The following SPIDR variants were observed in gnomAD, a reference collection of about 807,000 sequenced individuals.
The protein encoded by SPIDR is DNA repair-scaffolding protein.
A neutral mutation model predicts 104.6 loss-of-function variants in SPIDR; 93 were observed. The ratio of observed to expected loss-of-function variants is 0.89; its 90% confidence interval spans 0.75 to 1.06. SPIDR has a LOEUF of 1.06. SPIDR is among the 50% of genes least tolerant of loss of function. The pLI, the probability that SPIDR is intolerant of heterozygous loss-of-function variation, is 0.00. For missense variants in SPIDR, 1,154 were observed against 1,111.2 expected (o/e 1.04, Z -0.55); for synonymous variants, 431 against 416.9 (o/e 1.03, Z -0.41).
intron 14 of SPIDR, among the ~76,000 whole-genome samples, chr8:47,705,892 C>A (rs1252661354): frequency 1.3e-5 from 2 of 151,136 alleles, no homozygotes; most frequent in Non-Finnish European, 1.5e-5. Context: ...CAGAGTGAGA[C>A]CCTGTCTCAA....
intron 11 of SPIDR, among the ~76,000 whole-genome samples, chr8:47,683,972 A>T (rs1176191121): frequency 1.3e-5 from 2 of 151,896 alleles, no homozygotes; most frequent in Non-Finnish European, 1.5e-5. Flanking sequence ...TAAAAATGCA[A>T]AAAATTAGCT....
chr8:47,475,061 T>C (rs559697746), intron 8 of SPIDR, among the ~76,000 whole-genome samples: 7 of 152,352 alleles, frequency 4.6e-5, no homozygotes, highest in African/African-American at 1.7e-4. Context: ...TGGAAGTGTT[T>C]CATAGATTTT....
chr8:47,646,688 A>G (rs1425538455), intron 10 of SPIDR, among the ~76,000 whole-genome samples: 2 of 152,208 alleles, frequency 1.3e-5, no homozygotes, highest in African/African-American at 4.8e-5. Flanking sequence ...CCTTGAATAT[A>G]TAGAGAGAAA....
At chr8:47,262,649 T>G (rs2032795787) in intron 1 of SPIDR, among the ~76,000 whole-genome samples, 1 of 152,220 alleles carries the variant, frequency 6.6e-6, no homozygotes, top group Non-Finnish European at 1.5e-5. Context: ...GTGTCTTTTA[T>G]AGCCTAAACT....
At chr8:47,628,619 A>G (rs2066568636) in intron 10 of SPIDR, among the ~76,000 whole-genome samples, 1 of 152,222 alleles carries the variant, frequency 6.6e-6, no homozygotes, top group African/African-American at 2.4e-5. Context: ...TGAAACATAA[A>G]TGAATGTCAT....
intron 10 of SPIDR, among the ~76,000 whole-genome samples, chr8:47,671,481 AG>A (rs1346734652): frequency 6.6e-6 from 1 of 151,960 alleles, no homozygotes; most frequent in Non-Finnish European, 1.5e-5. Flanking sequence ...GCTACTCAGG[AG>A]GCTGAGGCAA....
At chr8:47,728,156 T>A (rs2084598918) in intron 17 of SPIDR, among the ~76,000 whole-genome samples, 1 of 146,914 alleles carries the variant, frequency 6.8e-6, no homozygotes, top group Non-Finnish European at 1.5e-5. Context: ...ATCGGCCAGG[T>A]GCAGTGTCTC....
At chr8:47,306,478 T>C (rs1311724884) in intron 5 of SPIDR, among the ~76,000 whole-genome samples, 2 of 152,182 alleles carry the variant, frequency 1.3e-5, no homozygotes, top group African/African-American at 4.8e-5. Context: ...TAATATTCCA[T>C]TGTATGTTTA....
chr8:47,511,990 GT>G, intron 8 of SPIDR: 1 of 787,222 alleles, frequency 1.3e-6, no homozygotes. Flanking sequence ...CTGTGAAATG[GT>G]TATGATGTCT....
chr8:47,300,442 C>T (rs1182320261), intron 5 of SPIDR, among the ~76,000 whole-genome samples: 3 of 152,048 alleles, frequency 2.0e-5, no homozygotes, highest in Non-Finnish European at 2.9e-5. Context: ...TTTTTTGTGT[C>T]TCTATTTCCT....
At chr8:47,268,240 G>A (rs1256574101) in intron 1 of SPIDR, among the ~76,000 whole-genome samples, 1 of 152,122 alleles carries the variant, frequency 6.6e-6, no homozygotes, top group Non-Finnish European at 1.5e-5. Context: ...TTTAATTACT[G>A]TAACTTGGCA....
At chr8:47,510,845 CA>C (rs941306993) in intron 8 of SPIDR, among the ~76,000 whole-genome samples, 1 of 152,126 alleles carries the variant, frequency 6.6e-6, no homozygotes, top group African/African-American at 2.4e-5. Context: ...TTGATCATCA[CA>C]AAAACCCAGG....
upstream of SPIDR, chr8:47,260,912 A>T (rs144931464): frequency 8.2e-6 from 10 of 1,214,002 alleles, no homozygotes; most frequent in Non-Finnish European, 9.2e-6. Context: ...CCGAGGTGGG[A>T]CGGCGGCGCG....
intron 7 of SPIDR, among the ~76,000 whole-genome samples, chr8:47,410,697 T>G (rs530935998): frequency 1.3e-5 from 2 of 152,254 alleles, no homozygotes; most frequent in South Asian, 4.1e-4. Flanking sequence ...TTAGGGTACA[T>G]GTGCACAACG....
chr8:47,592,007 TA>T (rs2061076155), intron 8 of SPIDR: 1 of 673,614 alleles, frequency 1.5e-6, no homozygotes, highest in Admixed American at 3.0e-5. Context: ...AATGTGCATT[TA>T]ATCACCAAAG....
chr8:47,499,285 C>A (rs1408733715), intron 8 of SPIDR, among the ~76,000 whole-genome samples: 2 of 152,188 alleles, frequency 1.3e-5, no homozygotes, highest in East Asian at 3.8e-4. Context: ...CTATGACTGT[C>A]AGACTTTTAG....
chr8:47,362,639 GT>G (rs2056285001), intron 5 of SPIDR, among the ~76,000 whole-genome samples: 1 of 152,006 alleles, frequency 6.6e-6, no homozygotes, highest in South Asian at 2.1e-4. Context: ...CATATATGGT[GT>G]TTTTTGTTGG....
At chr8:47,500,996 A>C (rs561293654) in intron 8 of SPIDR, among the ~76,000 whole-genome samples, 1 of 151,996 alleles carries the variant, frequency 6.6e-6, no homozygotes, top group Non-Finnish European at 1.5e-5. Context: ...TGTTCCATTG[A>C]TCTATATCTC....
chr8:47,422,776 C>G (rs2065770480), intron 7 of SPIDR, among the ~76,000 whole-genome samples: 1 of 152,206 alleles, frequency 6.6e-6, no homozygotes, highest in African/African-American at 2.4e-5. Context: ...AATTCTAATA[C>G]ATCTTTCTAG....
Sources: allele counts gnomAD v4.1 joint callset (sites outside exome capture counted in the v4.1 genomes callset), GRCh38; gene constraint gnomAD v4.1.1; transcripts MANE v1.5; gene names NCBI Gene and HGNC (gene_info 2026-07-23, HGNC 2026-07-21).